The following ERI1 variants were observed in gnomAD, a reference collection of about 807,000 sequenced individuals.
The protein encoded by ERI1 is exoribonuclease 1, also known as 3'-5' exoribonuclease 1.
A neutral mutation model predicts 39.7 loss-of-function variants in ERI1; 39 were observed. The observed-to-expected ratio is 0.98, with a 90% CI of 0.76 to 1.28. ERI1 has a LOEUF of 1.28. ERI1 is among the 50% of genes most tolerant of loss of function. The pLI is 0.00. For missense variants in ERI1, 581 were observed against 416.9 expected, an observed-to-expected ratio of 1.39 and a Z score of -3.43; for synonymous variants, 204 against 149.6, an observed-to-expected ratio of 1.36 and a Z score of -2.65.
At chr8:9,006,279 A>G (rs1816013000) in intron 1 of ERI1, among the ~76,000 whole-genome samples, 1 of 152,212 alleles carries the variant, frequency 6.6e-6, no homozygotes, top group Non-Finnish European at 1.5e-5. Context: ...TCACTGAAGG[A>G]AGAGAACTAG....
At chr8:9,075,022 T>G (rs1163281590) in intron 3 of ERI1, among the ~76,000 whole-genome samples, 2 of 152,210 alleles carry the variant, frequency 1.3e-5, no homozygotes, top group African/African-American at 4.8e-5. Context: ...AAGCCCATTA[T>G]TCCTTTCCTG....
At position 9,031,611 on chromosome 8, in the gene ERI1, G is replaced by C. The variant is rs921800726; in HGVS notation, c.*1577G>C. On this transcript the variant is annotated 3_prime_UTR_variant, in exon 7 of 7. Coordinates refer to ENST00000250263, the MANE Select transcript of ERI1 (RefSeq NM_153332.4). ...AGCTGAAACTGCAATTGGAAAATCTGATGATGACGAGGAAATATTACGTTT... is the reference window on the plus strand; with the variant it reads ...AGCTGAAACTGCAATTGGAAAATCTCATGATGACGAGGAAATATTACGTTT... 1.3e-5 allele frequency: 2 copies of C among 152,142 alleles called. No individual in the cohort carries two copies. The highest frequency in any genetic ancestry group is 4.8e-5 in the African/African-American group (2 of 41,428). The allele number at this position is 152,142 out of a possible 1,614,324, so 9.4% of individuals were successfully genotyped here.
chr8:9,003,747 A>G (rs1003656147), intron 1 of ERI1, among the ~76,000 whole-genome samples: 3 of 152,208 alleles, frequency 2.0e-5, no homozygotes, highest in Admixed American at 1.3e-4. Context: ...AAGTTGTAGA[A>G]CAGTCTTAAA....
Position 9,060,725 on chromosome 8 carries a change from C to T in ERI1, n.299+40261C>T, listed in dbSNP as rs562347161. ...CAGCGGGGGAGTAGGTGGGAGTGAA[C>T]GATGTGAAGGAGAGAAACTGGCCGT... On this transcript the variant is annotated intron_variant and non_coding_transcript_variant, in intron 3 of 3. Transcript: ENST00000518663. 2.7e-4 allele frequency among the ~76,000 whole-genome samples: 41 copies of T among 151,952 alleles called. No individual in the cohort carries two copies. In the South Asian group the frequency reaches 6.9e-3, roughly 25 times the overall value.
intron 6 of ERI1, among the ~76,000 whole-genome samples, chr8:9,023,792 A>ATTTTTT (rs369208558): frequency 1.5e-5 from 1 of 68,652 alleles, no homozygotes; most frequent in Non-Finnish European, 3.1e-5. Context: ...AGTAAAAATG[A>ATTTTTT]CTTTTTTTTT....
intron 3 of ERI1, among the ~76,000 whole-genome samples, chr8:9,069,846 C>A (rs1455612612): frequency 1.3e-5 from 2 of 152,060 alleles, no homozygotes; most frequent in African/African-American, 4.8e-5. Flanking sequence ...TATTTCCTCC[C>A]TGAGTATTTT....
At chr8:9,023,842 A>C (rs1340619519) in intron 6 of ERI1, among the ~76,000 whole-genome samples, 2 of 115,122 alleles carry the variant, frequency 1.7e-5, no homozygotes, top group Admixed American at 2.7e-4. Context: ...TCTGTCTCCC[A>C]AGCTGGAGTG....
At chr8:9,058,313 C>G (rs1798579086) in intron 3 of ERI1, among the ~76,000 whole-genome samples, 2 of 152,148 alleles carry the variant, frequency 1.3e-5, no homozygotes, top group African/African-American at 4.8e-5. Context: ...TATTTAAGAC[C>G]TCGTAGGTTG....
At chr8:9,051,321 G>C (rs1798348693) in intron 3 of ERI1, among the ~76,000 whole-genome samples, 1 of 151,992 alleles carries the variant, frequency 6.6e-6, no homozygotes, top group Admixed American at 6.6e-5. Context: ...TGGTGAGGGG[G>C]CTGAAACTGC....
chr8:9,059,316 C>G (rs1798615163), intron 3 of ERI1, among the ~76,000 whole-genome samples: 1 of 152,064 alleles, frequency 6.6e-6, no homozygotes, highest in African/African-American at 2.4e-5. Context: ...GCCTGACATT[C>G]CTGTCTTCTT....
chr8:9,008,076 C>G lies in ERI1; in HGVS notation c.215C>G (p.Thr72Arg), dbSNP rs201643475. The stretch of plus-strand genomic sequence containing the variant: ...CCGGTTTACAAAGAGATTGCCATTA[C>G]GAATGGCTGTATTAATAGAATGAGT... The part of the protein sequence containing the change: ...SDPVYKEIAI[T>R]NGCINRMSKE... Residue 72 changes from threonine (T) to arginine (R), a missense_variant, in exon 2 of 7, where the codon ACG becomes AGG. Coordinates refer to ENST00000250263, the MANE Select transcript of ERI1 (RefSeq NM_153332.4). 1.2e-6 allele frequency: 2 copies of G among 1,610,112 alleles called. No homozygotes were observed. Among genetic ancestry groups the G allele is most frequent in the East Asian group, 2.2e-5 (1 of 44,670 alleles).
chr8:9,029,647 C>T, intron 6 of ERI1, 145 bp from the exon 7 acceptor site: 2 of 1,002,094 alleles, frequency 2.0e-6, no homozygotes, highest in South Asian at 3.3e-5. Context: ...TTTTATTTGC[C>T]TTATTTGAGT....
chr8:9,022,044 C>T (rs962605063), intron 6 of ERI1, among the ~76,000 whole-genome samples: 6 of 151,886 alleles, frequency 4.0e-5, no homozygotes, highest in Admixed American at 2.0e-4. Flanking sequence ...GGGATATGTA[C>T]ATCATTGACA....
At chr8:9,037,664 A>G (rs917491171), downstream of ERI1, among the ~76,000 whole-genome samples, 3 of 152,204 alleles carry the variant, frequency 2.0e-5, no homozygotes, top group African/African-American at 7.2e-5. Context: ...TGCAAAAGGT[A>G]GCGTAAGTCC....
intron 3 of ERI1, among the ~76,000 whole-genome samples, chr8:9,044,410 G>A (rs960887873): frequency 1.1e-4 from 16 of 152,122 alleles, no homozygotes; most frequent in African/African-American, 3.6e-4. Flanking sequence ...GGAAGCCAGC[G>A]ACCAGGTCAG....
chr8:9,077,199 C>T (rs1799236176), intron 3 of ERI1, among the ~76,000 whole-genome samples: 1 of 152,194 alleles, frequency 6.6e-6, no homozygotes, highest in African/African-American at 2.4e-5. Context: ...ATAATTTTCT[C>T]ATGTTCTCCA....
Position 9,003,011 on chromosome 8 carries a change from G to C in ERI1, c.-53G>C. On this transcript the variant is annotated 5_prime_UTR_variant, in exon 1 of 7. Transcript: ENST00000250263. The stretch of plus-strand genomic sequence containing the variant: ...GCGAGGCTTTCGGGCTCTGCAGAGT[G>C]AGAGTTAGCAAGTGTCCGGCTCCAG... 6.2e-6 allele frequency: 7 copies of C among 1,130,252 alleles called. No homozygotes were observed. The highest frequency in any genetic ancestry group is 7.9e-6 in the Non-Finnish European group (7 of 883,984). 70.0% of individuals were successfully genotyped at this position (1,130,252 alleles called of 1,614,324 possible).
chr8:9,083,343 C>T (rs541866648), intron 3 of ERI1, among the ~76,000 whole-genome samples: 1 of 152,294 alleles, frequency 6.6e-6, no homozygotes, highest in South Asian at 2.1e-4. Context: ...ATGGTATCTG[C>T]CCCCTAAAGA....
chr8:9,054,009 AT>A (rs1798435342), intron 3 of ERI1, among the ~76,000 whole-genome samples: 1 of 151,686 alleles, frequency 6.6e-6, no homozygotes, highest in Non-Finnish European at 1.5e-5. Flanking sequence ...ACCCTGTGGC[AT>A]TCAAAGTTCT....
Sources: gnomAD v4.1 joint callset for allele counts (sites outside exome capture counted in the v4.1 genomes callset) on GRCh38, gnomAD v4.1.1 for gene constraint, MANE v1.5 for transcripts, NCBI Gene and HGNC (gene_info 2026-07-23, HGNC 2026-07-21) for gene names.